The following CFAP299 variants were observed in gnomAD, a reference collection of about 807,000 sequenced individuals.
The protein encoded by CFAP299 is cilia and flagella associated protein 299.
CFAP299 carries 21 observed loss-of-function variants against 27.0 expected under a neutral mutation model. The observed-to-expected ratio is 0.78, with a 90% CI of 0.55 to 1.12. The LOEUF (loss-of-function observed/expected upper bound fraction) is 1.12. Among genes scored for constraint, CFAP299 ranks in the 50% most tolerant of loss-of-function variants. CFAP299 has a pLI of 0.00. For missense variants in CFAP299, 310 were observed against 276.6 expected, an observed-to-expected ratio of 1.12 and a Z score of -0.86; for synonymous variants, 104 against 98.1, an observed-to-expected ratio of 1.06 and a Z score of -0.36.
chr4:80,635,251 C>T (rs555867929), intron 3 of CFAP299, among the ~76,000 whole-genome samples: 1 of 152,218 alleles, frequency 6.6e-6, no homozygotes, highest in African/African-American at 2.4e-5. Flanking sequence ...ACAGGTACAA[C>T]TAAACAGAAG....
intron 3 of CFAP299, among the ~76,000 whole-genome samples, chr4:80,638,200 T>A (rs947895781): frequency 1.8e-4 from 28 of 152,170 alleles, no homozygotes; most frequent in Non-Finnish European, 1.3e-4. Flanking sequence ...AACTTCCTGC[T>A]GCAGGCCCTT....
At chr4:80,424,709 C>G (rs925854202) in intron 2 of CFAP299, among the ~76,000 whole-genome samples, 4 of 152,058 alleles carry the variant, frequency 2.6e-5, no homozygotes, top group African/African-American at 9.7e-5. Flanking sequence ...AGTTTCTGGA[C>G]CTACTGAGGA....
At chr4:80,466,064 T>A (rs1248193322) in intron 2 of CFAP299, among the ~76,000 whole-genome samples, 1 of 152,212 alleles carries the variant, frequency 6.6e-6, no homozygotes, top group Non-Finnish European at 1.5e-5. Flanking sequence ...TTTCTAGGTT[T>A]TCAGGCTCCT....
chr4:80,600,322 C>G (rs999475951), intron 3 of CFAP299, among the ~76,000 whole-genome samples: 2 of 152,060 alleles, frequency 1.3e-5, no homozygotes, highest in Non-Finnish European at 2.9e-5. Context: ...TCCCCTTTTA[C>G]CCTTTTGCTA....
At chr4:80,536,571 A>C in intron 2 of CFAP299, among the ~76,000 whole-genome samples, 1 of 152,154 alleles carries the variant, frequency 6.6e-6, no homozygotes, top group Non-Finnish European at 1.5e-5. Context: ...CCACATTTAC[A>C]GTCAATTGAT....
At chr4:80,896,817 T>C (rs191788305) in intron 4 of CFAP299, among the ~76,000 whole-genome samples, 37 of 152,282 alleles carry the variant, frequency 2.4e-4, no homozygotes, top group Admixed American at 1.7e-3. Context: ...TCTGTTATTC[T>C]AGAAGTGCTA....
chr4:80,452,559 A>G (rs575148916), intron 2 of CFAP299, among the ~76,000 whole-genome samples: 1 of 152,312 alleles, frequency 6.6e-6, no homozygotes, highest in Non-Finnish European at 1.5e-5. Flanking sequence ...GATGGTTGGT[A>G]TATTTTAGAT....
At chr4:80,705,979 T>A (rs574530316) in intron 3 of CFAP299, among the ~76,000 whole-genome samples, 30 of 151,988 alleles carry the variant, frequency 2.0e-4, no homozygotes, top group African/African-American at 7.2e-4. Flanking sequence ...TCAATTTTTT[T>A]GAATTGTAAA....
In CFAP299 at chr4:80,417,797, C is replaced by T. The variant is rs140665947; in HGVS notation, c.242+54913C>T. ...TCTTCTGTATATATATACATGTATA[C>T]GTATATGTACATGTGTATATATATG... On this transcript the variant is annotated intron_variant, in intron 2 of 5. Coordinates refer to ENST00000358105, the MANE Select transcript of CFAP299 (RefSeq NM_152770.3). Among the ~76,000 whole-genome samples the T allele has an allele frequency of 6.3e-3, 942 of 150,646 alleles. 2 individuals carry two copies. The highest frequency in any genetic ancestry group is 0.025 in the Middle Eastern group (7 of 282).
intron 2 of CFAP299, among the ~76,000 whole-genome samples, chr4:80,577,396 C>CTTTT (rs1735922270): frequency 2.3e-5 from 2 of 85,486 alleles, no homozygotes; most frequent in African/African-American, 8.2e-5. Context: ...TATTAGAAAA[C>CTTTT]ATTTTTTTTT....
intron 2 of CFAP299, among the ~76,000 whole-genome samples, chr4:80,577,204 C>T (rs991762042): frequency 2.6e-5 from 4 of 151,980 alleles, no homozygotes; most frequent in African/African-American, 9.7e-5. Context: ...AACTGAATAC[C>T]AACTGATTAT....
chr4:80,701,725 T>C (rs942635230), intron 3 of CFAP299, among the ~76,000 whole-genome samples: 1 of 151,964 alleles, frequency 6.6e-6, no homozygotes, highest in Non-Finnish European at 1.5e-5. Context: ...CTTCTTGCTT[T>C]TAGCACTGCA....
intron 3 of CFAP299, among the ~76,000 whole-genome samples, chr4:80,673,022 T>TGGTGCG (rs1741591395): frequency 1.3e-5 from 2 of 152,124 alleles, no homozygotes; most frequent in Admixed American, 6.5e-5. Flanking sequence ...AGTTCTGCTC[T>TGGTGCG]GATCTTAGTT....
chr4:80,866,062 TATATATATATATATATA>T (rs1560454030), intron 3 of CFAP299, among the ~76,000 whole-genome samples: 2 of 49,320 alleles, frequency 4.1e-5, no homozygotes, highest in African/African-American at 4.2e-4. Context: ...TAAAGTATTA[TATATATATATATATATA>T]TATATATATA....
intron 3 of CFAP299, among the ~76,000 whole-genome samples, chr4:80,860,852 G>A (rs978992048): frequency 3.9e-5 from 6 of 152,162 alleles, no homozygotes; most frequent in South Asian, 2.1e-4. Flanking sequence ...CTGCTCAGGG[G>A]TCAGGGGTCA....
chr4:80,399,002 C>A (rs1485120693), intron 2 of CFAP299, among the ~76,000 whole-genome samples: 1 of 151,426 alleles, frequency 6.6e-6, no homozygotes, highest in East Asian at 1.9e-4. Flanking sequence ...AAGAAAAAAA[C>A]AAACAACTCC....
At chr4:80,680,381 G>A (rs560046120) in intron 3 of CFAP299, among the ~76,000 whole-genome samples, 7 of 151,844 alleles carry the variant, frequency 4.6e-5, no homozygotes, top group Non-Finnish European at 1.0e-4. Context: ...TTTTCATTTG[G>A]ATATCTTCTC....
chr4:80,866,059 T>TATATATATATATATATATA (rs1732710818), intron 3 of CFAP299, among the ~76,000 whole-genome samples: 1 of 58,374 alleles, frequency 1.7e-5, no homozygotes, highest in African/African-American at 3.8e-5. Context: ...ACTTAAAGTA[T>TATATATATATATATATATA]TATATATATA....
chr4:80,833,455 C>A (rs1046261115), intron 3 of CFAP299, among the ~76,000 whole-genome samples: 1 of 151,916 alleles, frequency 6.6e-6, no homozygotes, highest in African/African-American at 2.4e-5. Context: ...CGTACTGGCC[C>A]ACTGTGTGCA....
Sources: allele counts gnomAD v4.1 joint callset (sites outside exome capture counted in the v4.1 genomes callset), GRCh38; gene constraint gnomAD v4.1.1; transcripts MANE v1.5; gene names NCBI Gene and HGNC (gene_info 2026-07-23, HGNC 2026-07-21).